NKAIN2: variants seen among roughly 807,000 people sequenced by gnomAD.
The protein encoded by NKAIN2 is sodium/potassium-transporting ATPase subunit beta-1-interacting protein 2.
In NKAIN2, 14 loss-of-function variants were observed where a neutral mutation model predicts 32.6. The observed-to-expected ratio is 0.43, with a 90% CI of 0.28 to 0.67. NKAIN2 has a LOEUF of 0.67. Among genes scored for constraint, NKAIN2 ranks in the 30% least tolerant of loss-of-function variants. NKAIN2 has a pLI of 0.17. For synonymous variants in NKAIN2, 80 were observed against 87.2 expected, an observed-to-expected ratio of 0.92 and a Z score of 0.46; for missense variants, 198 against 258.3, an observed-to-expected ratio of 0.77 and a Z score of 1.60.
chr6:124,633,245 T>C (rs1251655827), intron 3 of NKAIN2, among the ~76,000 whole-genome samples: 1 of 152,216 alleles, frequency 6.6e-6, no homozygotes, highest in Non-Finnish European at 1.5e-5. Context: ...ATGTGCACTC[T>C]CATCTTCTGT....
At chr6:124,652,477 C>A (rs1379714457) in intron 3 of NKAIN2, among the ~76,000 whole-genome samples, 2 of 152,200 alleles carry the variant, frequency 1.3e-5, no homozygotes, top group Non-Finnish European at 2.9e-5. Flanking sequence ...AGCTCTCAAT[C>A]GTTTCCACAT....
intron 1 of NKAIN2, among the ~76,000 whole-genome samples, chr6:123,916,666 A>T (rs988407960): frequency 1.3e-5 from 2 of 152,076 alleles, no homozygotes; most frequent in Admixed American, 1.3e-4. Context: ...AGCAGATTTT[A>T]TGCCCTTCAC....
At chr6:123,995,304 A>T (rs1779572029) in intron 1 of NKAIN2, among the ~76,000 whole-genome samples, 2 of 152,176 alleles carry the variant, frequency 1.3e-5, no homozygotes. Context: ...TATACCAAAA[A>T]CGAGAGAGAA....
chr6:124,503,283 G>A (rs187568409), intron 3 of NKAIN2, among the ~76,000 whole-genome samples: 13 of 152,200 alleles, frequency 8.5e-5, no homozygotes, highest in Admixed American at 2.0e-4. Context: ...AAAACTAGAG[G>A]AATCTAATTC....
rs1781476930 is a variant in NKAIN2, at chr6:124,823,526, G to C, written c.*297G>C. On this transcript the variant is annotated 3_prime_UTR_variant, in exon 7 of 7. Transcript: ENST00000368417. ...TTCTCCCAGGCCTTCGGAAAGTTCA[G>C]AAGGAGATGTGTTGATGCCCAACGG... is the stretch of plus-strand genomic sequence containing the variant. 1 of 384,980 alleles carries C rather than the reference G, an allele frequency of 2.6e-6. No individual in the cohort carries two copies. Among genetic ancestry groups the C allele is most frequent in the Admixed American group, 3.8e-5 (1 of 25,990 alleles). 23.8% of individuals were successfully genotyped at this position (384,980 alleles called of 1,614,324 possible). A position where few individuals can be genotyped will look rare whatever the true frequency, so the allele number is the denominator to read the frequency against.
intron 1 of NKAIN2, among the ~76,000 whole-genome samples, chr6:124,185,754 A>C (rs1789686803): frequency 6.6e-6 from 1 of 152,166 alleles, no homozygotes; most frequent in African/African-American, 2.4e-5. Flanking sequence ...TTATGGTTAA[A>C]CACATCTGTT....
intron 5 of NKAIN2, among the ~76,000 whole-genome samples, chr6:124,805,691 G>C (rs944643892): frequency 1.4e-4 from 21 of 151,474 alleles, no homozygotes; most frequent in Non-Finnish European, 2.7e-4. Flanking sequence ...ATCAAACTAC[G>C]AGCTACAGGA....
chr6:124,253,432 C>T (rs1033798515), intron 1 of NKAIN2, among the ~76,000 whole-genome samples: 1 of 152,054 alleles, frequency 6.6e-6, no homozygotes, highest in East Asian at 1.9e-4. Flanking sequence ...TTATTTATCT[C>T]CATATGAAGG....
In NKAIN2 at chr6:124,141,470, C is replaced by T. The variant is rs142121759; in HGVS notation, c.55-141535C>T. On this transcript the variant is annotated intron_variant, in intron 1 of 6. Transcript: ENST00000368417. ...AAGCTCAATTTAGCTTATAGGTCTGCGTTTTTCCTCTGTGGAGGAAAGTGT... is the reference window on the plus strand; with the variant it reads ...AAGCTCAATTTAGCTTATAGGTCTGTGTTTTTCCTCTGTGGAGGAAAGTGT... Among the ~76,000 whole-genome samples, 33 of 151,552 alleles carry T rather than the reference C, an allele frequency of 2.2e-4. No individual in the cohort carries two copies. The South Asian group carries it at 6.7e-3, about 31-fold the overall frequency.
chr6:124,057,056 C>T (rs1172355087), intron 1 of NKAIN2, among the ~76,000 whole-genome samples: 1 of 152,062 alleles, frequency 6.6e-6, no homozygotes, highest in Non-Finnish European at 1.5e-5. Context: ...AGTTAACCAT[C>T]CATCATGTTC....
intron 1 of NKAIN2, among the ~76,000 whole-genome samples, chr6:123,860,218 C>T: frequency 6.6e-6 from 1 of 152,220 alleles, no homozygotes; most frequent in East Asian, 1.9e-4. Flanking sequence ...CACCCACAGG[C>T]TGAGGCAGGA....
chr6:124,076,258 A>G (rs1176968219), intron 1 of NKAIN2, among the ~76,000 whole-genome samples: 1 of 152,200 alleles, frequency 6.6e-6, no homozygotes, highest in East Asian at 1.9e-4. Flanking sequence ...TCCCAGGAGA[A>G]TGAGTATTAA....
rs374568620 is a variant in NKAIN2, at chr6:123,841,690, A to C, written c.54+37436A>C. ...GTCACGGGAACCACTTCACCTTAAC[A>C]GCTGCTGAGTCGGCCCTACATAACC... On this transcript the variant is annotated intron_variant, in intron 1 of 6. Coordinates refer to ENST00000368417, the MANE Select transcript of NKAIN2 (RefSeq NM_001040214.3). 1.9e-4 allele frequency among the ~76,000 whole-genome samples: 29 copies of C among 152,298 alleles called. No individual in the cohort carries two copies. The East Asian group carries it at 5.4e-3, about 28-fold the overall frequency.
At chr6:124,203,520 A>T (rs1445677634) in intron 1 of NKAIN2, among the ~76,000 whole-genome samples, 1 of 151,862 alleles carries the variant, frequency 6.6e-6, no homozygotes, top group African/African-American at 2.4e-5. Flanking sequence ...TTTCCAGAGA[A>T]TTTTAAGGCA....
chr6:123,955,201 A>G (rs923584838), intron 1 of NKAIN2, among the ~76,000 whole-genome samples: 6 of 151,290 alleles, frequency 4.0e-5, no homozygotes, highest in Non-Finnish European at 7.4e-5. Context: ...AAAACCAAAA[A>G]AAAAAAAAAA....
At chr6:124,530,649 T>C (rs964047085) in intron 3 of NKAIN2, among the ~76,000 whole-genome samples, 2 of 152,198 alleles carry the variant, frequency 1.3e-5, no homozygotes, top group Non-Finnish European at 2.9e-5. Context: ...CACCATTTAC[T>C]CTCTGTAAGC....
intron 1 of NKAIN2, among the ~76,000 whole-genome samples, chr6:124,259,442 T>C (rs1304451255): frequency 1.3e-5 from 2 of 152,178 alleles, no homozygotes; most frequent in African/African-American, 4.8e-5. Context: ...AAATGTAAGC[T>C]TGAAGCTTTC....
intron 1 of NKAIN2, among the ~76,000 whole-genome samples, chr6:124,168,790 C>G (rs1788700590): frequency 6.6e-6 from 1 of 151,932 alleles, no homozygotes; most frequent in Admixed American, 6.6e-5. Flanking sequence ...AAGAACAATT[C>G]CTTTGGTTGA....
intron 3 of NKAIN2, among the ~76,000 whole-genome samples, chr6:124,588,336 TAA>T (rs1260712695): frequency 6.6e-6 from 1 of 152,192 alleles, no homozygotes; most frequent in African/African-American, 2.4e-5. Flanking sequence ...AAAATTCTCA[TAA>T]TTTAATGCAA....
Sources: allele counts gnomAD v4.1 joint callset (sites outside exome capture counted in the v4.1 genomes callset), GRCh38; gene constraint gnomAD v4.1.1; transcripts MANE v1.5; gene names NCBI Gene and HGNC (gene_info 2026-07-23, HGNC 2026-07-21).